PXDN: variants seen among roughly 807,000 people sequenced by gnomAD.
PXDN encodes peroxidasin.
In PXDN, 77 loss-of-function variants were observed where a neutral mutation model predicts 140.3. The ratio of observed to expected loss-of-function variants is 0.55; its 90% CI spans 0.46 to 0.66. PXDN has a LOEUF of 0.66. Among genes scored for constraint, PXDN ranks in the 30% least tolerant of loss-of-function variants. The probability of loss-of-function intolerance (pLI) is 0.00; values close to 1 mark genes in which losing one functional copy is unlikely to be tolerated. For missense variants in PXDN, 1,838 were observed against 2,039.5 expected (o/e 0.90, Z 1.90); for synonymous variants, 911 against 857.4 (o/e 1.06, Z -1.09).
intron 1 of PXDN, among the ~76,000 whole-genome samples, chr2:1,735,472 G>A (rs547796005): frequency 8.5e-5 from 13 of 152,342 alleles, no homozygotes; most frequent in African/African-American, 3.1e-4. Flanking sequence ...TGTGTTAGCA[G>A]CCATGAAAAC....
At chr2:1,744,576 C>T (rs1369232382), upstream of PXDN, 3 of 856,402 alleles carry the variant, frequency 3.5e-6, no homozygotes, top group East Asian at 3.9e-5. Flanking sequence ...GCCAGCTGTG[C>T]ACATGCGCGA....
rs1279192299 is a variant in PXDN, at chr2:1,687,870, C to G, written c.345-167G>C. On this transcript the variant is annotated intron_variant, in intron 3 of 22. Coordinates refer to ENST00000252804, the MANE Select transcript of PXDN (RefSeq NM_012293.3). This position sits in a 1 kb window ranked among gnomAD's most constrained non-coding sequence, Gnocchi z 4.0. ...AGTACAGTGCCTCTCCCAAGGGCTT[C>G]CCTTCCCTCAGATCTCAAGGGGGCT... 6.6e-5 allele frequency among the ~76,000 whole-genome samples: 10 copies of G among 152,158 alleles called. No homozygotes were observed. The highest frequency in any genetic ancestry group is 6.6e-4 in the Admixed American group (10 of 15,264).
At chr2:1,665,649 G>A (rs1049528289) in intron 10 of PXDN, among the ~76,000 whole-genome samples, 1 of 152,238 alleles carries the variant, frequency 6.6e-6, no homozygotes, top group Non-Finnish European at 1.5e-5. Flanking sequence ...GCCAGCAGAA[G>A]GAAATGATTG....
chr2:1,663,983 C>T (rs1683371208), intron 11 of PXDN: 3 of 567,726 alleles, frequency 5.3e-6, no homozygotes, highest in South Asian at 2.2e-5. Context: ...TTGACAGTGG[C>T]AGAGAACAGA....
intron 1 of PXDN, among the ~76,000 whole-genome samples, chr2:1,700,024 T>C (rs1332254925): frequency 6.6e-6 from 1 of 152,124 alleles, no homozygotes; most frequent in African/African-American, 2.4e-5. Context: ...CTCAATATAT[T>C]TTTATTATGA....
At chr2:1,678,845 C>T (rs536396224) in intron 7 of PXDN, among the ~76,000 whole-genome samples, 26 of 152,272 alleles carry the variant, frequency 1.7e-4, no homozygotes, top group African/African-American at 6.3e-4. Context: ...GGGGAAGCAG[C>T]GCAGGCAGGC....
intron 21 of PXDN, 147 bp downstream of exon 21, chr2:1,638,699 T>C: frequency 1.7e-5 from 22 of 1,280,870 alleles, no homozygotes; most frequent in Non-Finnish European, 2.4e-5. Context: ...CGTGCAGAAA[T>C]GACACCCCCA....
At position 1,664,871 on chromosome 2, in the gene PXDN, C is replaced by T. The variant is rs1194246067; in HGVS notation, c.1408+87G>A. On this transcript the variant is annotated intron_variant, in intron 11 of 22. Coordinates refer to ENST00000252804, the MANE Select transcript of PXDN (RefSeq NM_012293.3). ...CCAGCTCAGCCCTGTCCAGAACACGCTGGGGTTGCCTGGGCACAGTGGAAA... is the reference window on the plus strand; with the variant it reads ...CCAGCTCAGCCCTGTCCAGAACACGTTGGGGTTGCCTGGGCACAGTGGAAA... 3 of 1,165,806 alleles carry T rather than the reference C, an allele frequency of 2.6e-6. No individual in the cohort carries two copies. The Admixed American group carries it at 6.2e-5, about 24-fold the overall frequency. The allele number at this position is 1,165,806 out of a possible 1,614,324, so 72.2% of individuals were successfully genotyped here.
At chr2:1,683,832 A>C in intron 5 of PXDN, 105 bp from the exon 6 acceptor site, 3 of 968,380 alleles carry the variant, frequency 3.1e-6, no homozygotes, top group Non-Finnish European at 4.6e-6. Context: ...AAAAAATCTC[A>C]GTGATTACAT....
At chr2:1,680,102 G>A (rs938527822) in intron 7 of PXDN, 91 bp downstream of exon 7, 20 of 1,148,936 alleles carry the variant, frequency 1.7e-5, no homozygotes, top group Non-Finnish European at 2.3e-5. Context: ...TGTGGTGTGT[G>A]GATGTTGTGT....
In PXDN at chr2:1,635,464, A is replaced by T; in HGVS notation, c.4264T>A (p.Ser1422Thr). Reference protein sequence around the residue: ...TTECVDAGGESHANNTKWKKD... With the variant: ...TTECVDAGGETHANNTKWKKD... ...TTCCACTTGGTGTTGTTGGCGTGAG[A>T]TTCGCCCCCGGCATCCACGCACTCT... Residue 1422 changes from serine (S) to threonine (T), a missense_variant, in exon 22 of 23, where the codon TCT becomes ACT. Ser to Thr is a moderately conservative substitution (Grantham distance 58). Coordinates refer to ENST00000252804, the MANE Select transcript of PXDN (RefSeq NM_012293.3). 6.2e-7 allele frequency: 1 copy of T among 1,603,004 alleles called. No homozygotes were observed. The highest frequency in any genetic ancestry group is 8.5e-7 in the Non-Finnish European group (1 of 1,174,316).
intron 1 of PXDN, among the ~76,000 whole-genome samples, chr2:1,698,470 A>G (rs80186105): frequency 6.6e-6 from 1 of 152,186 alleles, no homozygotes; most frequent in African/African-American, 2.4e-5. Context: ...GGCACAGCAC[A>G]TGAAGGTGGC....
Position 1,662,210 on chromosome 2 carries a change from G to A in PXDN, c.1568-26C>T, listed in dbSNP as rs78864502. 1,108 of 1,547,702 alleles carry A rather than the reference G, an allele frequency of 7.2e-4. 7 individuals carry two copies. In the African/African-American group the frequency reaches 0.014, roughly 20 times the overall value. The stretch of plus-strand genomic sequence containing the variant: ...CTGGAAGGCAGATGTAGAGAATCCA[G>A]GAGAACGAGTCAATTACATCAAAAA... On this transcript the variant is annotated intron_variant, in intron 12 of 22. Transcript: ENST00000252804.
intron 1 of PXDN, among the ~76,000 whole-genome samples, chr2:1,711,218 A>G (rs1401293405): frequency 7.4e-5 from 3 of 40,396 alleles, no homozygotes; most frequent in East Asian, 8.7e-4. Context: ...ACCAGCACCC[A>G]CTCTCCACCA....
At chr2:1,721,385 A>G (rs916821109) in intron 1 of PXDN, among the ~76,000 whole-genome samples, 1 of 152,196 alleles carries the variant, frequency 6.6e-6, no homozygotes, top group Non-Finnish European at 1.5e-5. Context: ...CTTTGAGTTG[A>G]GCAAAACAAA....
At position 1,639,505 on chromosome 2, in the gene PXDN, T is replaced by C; in HGVS notation, c.3953-83A>G. On this transcript the variant is annotated intron_variant, in intron 19 of 22. Transcript: ENST00000252804. The surrounding 1 kb of genome is among the most constrained non-coding windows in gnomAD (Gnocchi z 5.0). The stretch of plus-strand genomic sequence containing the variant: ...TAAGCACATCCTGCCAACTATGAAG[T>C]CTTCACTGGCTGCCCGTGGAACAAA... The C allele has an allele frequency of 1.3e-6, 2 of 1,588,334 alleles. No homozygotes were observed. Among genetic ancestry groups the C allele is most frequent in the Non-Finnish European group, 1.7e-6 (2 of 1,163,004 alleles).
chr2:1,702,122 A>G (rs1684450186), intron 1 of PXDN, among the ~76,000 whole-genome samples: 1 of 152,228 alleles, frequency 6.6e-6, no homozygotes, highest in African/African-American at 2.4e-5. Context: ...GCCCTCAGCT[A>G]AAGAAACCTG....
At chr2:1,711,457 T>TCTACCAGCACCCG (rs1684775856) in intron 1 of PXDN, among the ~76,000 whole-genome samples, 1 of 82,234 alleles carries the variant, frequency 1.2e-5, no homozygotes, top group African/African-American at 7.3e-5. Flanking sequence ...CAGCACCCAC[T>TCTACCAGCACCCG]CTCCACCAGC....
rs967399080 is a variant in PXDN at position 1,687,509 on chromosome 2, C to A, written c.416+123G>T. On this transcript the variant is annotated intron_variant, in intron 4 of 22. Transcript: ENST00000252804. The surrounding 1 kb of genome is among the most constrained non-coding windows in gnomAD (Gnocchi z 4.0). ...TTTTTCCGTCATCATGCACGTACTC[C>A]CCGCACCTCAGGTAGCATAGTCATG... 2.6e-5 allele frequency: 17 copies of A among 650,366 alleles called. No homozygotes were observed. Among genetic ancestry groups the A allele is most frequent in the Non-Finnish European group, 4.0e-5 (17 of 420,032 alleles). The allele number at this position is 650,366 out of a possible 1,614,324, so 40.3% of individuals were successfully genotyped here.
Sources: gnomAD v4.1 joint callset for allele counts (sites outside exome capture counted in the v4.1 genomes callset) on GRCh38, gnomAD v4.1.1 for gene constraint, Gnocchi (gnomAD v3.1) non-coding constraint, MANE v1.5 for transcripts, NCBI Gene and HGNC (gene_info 2026-07-23, HGNC 2026-07-21) for gene names.